Variants in LRRC18 observed in about 807,000 individuals in gnomAD.
The protein encoded by LRRC18 is leucine rich repeat containing 18.
In LRRC18, 12 loss-of-function variants were observed where a neutral mutation model predicts 11.2. The ratio of observed to expected loss-of-function variants is 1.07; its 90% confidence interval spans 0.69 to 1.74. The LOEUF is 1.74. LRRC18 is among the 40% of genes most tolerant of loss of function. The probability of loss-of-function intolerance (pLI) is 0.00; values close to 1 mark genes in which losing one functional copy is unlikely to be tolerated. For synonymous variants in LRRC18, 155 were observed against 130.6 expected, an observed-to-expected ratio of 1.19 and a Z score of -1.27; for missense variants, 374 against 330.5, an observed-to-expected ratio of 1.13 and a Z score of -1.02.
chr10:48,938,181 C>G, the LRRC18 span, among the ~76,000 whole-genome samples: 1 of 152,230 alleles, frequency 6.6e-6, no homozygotes, highest in African/African-American at 2.4e-5. Context: ...GTCCTCAAAA[C>G]TGTTTTTGCA....
At chr10:48,920,525 A>G in the LRRC18 span, among the ~76,000 whole-genome samples, 19 of 152,294 alleles carry the variant, frequency 1.2e-4, no homozygotes, top group African/African-American at 3.6e-4. Context: ...ATTTAAAACA[A>G]TTGAAAAAAA....
At chr10:48,916,603 A>C (rs1452717800), upstream of LRRC18, among the ~76,000 whole-genome samples, 7 of 152,218 alleles carry the variant, frequency 4.6e-5, no homozygotes, top group Non-Finnish European at 2.9e-5. Context: ...TAGAAAACAA[A>C]ATCCAGCCAG....
the LRRC18 span, among the ~76,000 whole-genome samples, chr10:48,934,207 G>A: frequency 5.3e-5 from 8 of 152,186 alleles, no homozygotes; most frequent in African/African-American, 1.4e-4. Context: ...CATAGCATCC[G>A]TGTTGTTGAT....
At chr10:48,924,146 T>A in the LRRC18 span, among the ~76,000 whole-genome samples, 1 of 152,030 alleles carries the variant, frequency 6.6e-6, no homozygotes, top group Admixed American at 6.5e-5. Context: ...CCCCAGGGAG[T>A]CTGGGTCCCT....
the LRRC18 span, among the ~76,000 whole-genome samples, chr10:48,924,025 A>G: frequency 2.6e-5 from 4 of 152,352 alleles, no homozygotes; most frequent in South Asian, 4.1e-4. Context: ...AGCTGGCTAC[A>G]GAGAACTCCT....
the LRRC18 span, among the ~76,000 whole-genome samples, chr10:48,923,978 C>G: frequency 4.1e-4 from 62 of 152,328 alleles, no homozygotes; most frequent in African/African-American, 1.5e-3. Context: ...AAGAAGCCCT[C>G]CCAGCTCTGA....
exon 1 of LRRC18, chr10:48,913,538 C>A (rs1838207033): frequency 2.5e-6 from 4 of 1,614,000 alleles, no homozygotes; most frequent in Non-Finnish European, 3.4e-6. Flanking sequence ...AAGCCGCACA[C>A]AGATCCTTCT....
chr10:48,913,787 G>C, exon 1 of LRRC18: 1 of 1,614,104 alleles, frequency 6.2e-7, no homozygotes, highest in Non-Finnish European at 8.5e-7. Flanking sequence ...TCACAGCGCG[G>C]ATGTTCTTGA....
At chr10:48,916,527 T>C (rs1318079018), upstream of LRRC18, among the ~76,000 whole-genome samples, 2 of 152,176 alleles carry the variant, frequency 1.3e-5, no homozygotes, top group East Asian at 3.9e-4. Flanking sequence ...GGTTGCTTTG[T>C]TTTCTCTACC....
At chr10:48,920,658 CT>C in the LRRC18 span, among the ~76,000 whole-genome samples, 1 of 152,260 alleles carries the variant, frequency 6.6e-6, no homozygotes, top group African/African-American at 2.4e-5. Context: ...TTTGGAAATT[CT>C]AACCAGTGCA....
At chr10:48,921,540 A>G in the LRRC18 span, among the ~76,000 whole-genome samples, 1 of 152,208 alleles carries the variant, frequency 6.6e-6, no homozygotes, top group Non-Finnish European at 1.5e-5. Flanking sequence ...CATGACTTTG[A>G]ATCAGGCAAA....
the LRRC18 span, among the ~76,000 whole-genome samples, chr10:48,938,961 A>G: frequency 6.6e-6 from 1 of 152,142 alleles, no homozygotes; most frequent in Non-Finnish European, 1.5e-5. Flanking sequence ...AACCGCCACA[A>G]TCCTCACTGG....
the LRRC18 span, among the ~76,000 whole-genome samples, chr10:48,925,229 G>A: frequency 6.6e-6 from 1 of 152,150 alleles, no homozygotes; most frequent in Non-Finnish European, 1.5e-5. Context: ...GTGACCTCCC[G>A]AGTGGCTTCA....
At chr10:48,928,698 C>T in the LRRC18 span, among the ~76,000 whole-genome samples, 7 of 152,314 alleles carry the variant, frequency 4.6e-5, no homozygotes, top group South Asian at 2.1e-4. Flanking sequence ...GGCCCACTGG[C>T]GACAGCCCAG....
intron 1 of LRRC18, among the ~76,000 whole-genome samples, chr10:48,911,743 G>A (rs1216884606): frequency 6.6e-6 from 1 of 152,152 alleles, no homozygotes; most frequent in Non-Finnish European, 1.5e-5. Context: ...AATGATGAAT[G>A]CTTTAAGCTA....
the LRRC18 span, among the ~76,000 whole-genome samples, chr10:48,933,616 A>C: frequency 2.0e-5 from 3 of 152,148 alleles, no homozygotes; most frequent in African/African-American, 4.8e-5. Context: ...TCCCTGAAAA[A>C]GAAGCATGCA....
At chr10:48,936,459 A>G in the LRRC18 span, among the ~76,000 whole-genome samples, 5 of 152,214 alleles carry the variant, frequency 3.3e-5, no homozygotes, top group Non-Finnish European at 7.3e-5. Context: ...CATAAAGCAC[A>G]TAAAAATAAA....
At chr10:48,915,799 C>G (rs572527651), upstream of LRRC18, among the ~76,000 whole-genome samples, 48 of 152,260 alleles carry the variant, frequency 3.2e-4, no homozygotes, top group Admixed American at 1.6e-3. Context: ...AATGACAGTT[C>G]TTAGCTCTTG....
At chr10:48,914,986 G>T (rs116364139), upstream of LRRC18, among the ~76,000 whole-genome samples, 1 of 152,134 alleles carries the variant, frequency 6.6e-6, no homozygotes, top group Non-Finnish European at 1.5e-5. Context: ...ATAAATGGCC[G>T]TGACTGCCTC....
Sources: gnomAD v4.1 joint callset for allele counts (sites outside exome capture counted in the v4.1 genomes callset) on GRCh38, gnomAD v4.1.1 for gene constraint, MANE v1.5 for transcripts, NCBI Gene and HGNC (gene_info 2026-07-23, HGNC 2026-07-21) for gene names.